NELL1: variants seen among roughly 807,000 people sequenced by gnomAD.
The protein encoded by NELL1 is protein kinase C-binding protein NELL1.
Under a neutral mutation model 107.4 loss-of-function variants are expected in NELL1, and 76 were observed. The observed-to-expected ratio is 0.71, with a 90% CI of 0.59 to 0.86. The LOEUF is 0.86. Among genes scored for constraint, NELL1 ranks in the 40% least tolerant of loss-of-function variants. The probability of loss-of-function intolerance (pLI) is 0.00; values close to 1 mark genes in which losing one functional copy is unlikely to be tolerated. For synonymous variants in NELL1, 353 were observed against 341.2 expected, an observed-to-expected ratio of 1.03 and a Z score of -0.38; for missense variants, 1,024 against 1,005.5, an observed-to-expected ratio of 1.02 and a Z score of -0.25.
At chr11:20,797,484 T>G (rs529097992) in intron 3 of NELL1, among the ~76,000 whole-genome samples, 24 of 138,032 alleles carry the variant, frequency 1.7e-4, no homozygotes, top group Admixed American at 3.3e-4. Flanking sequence ...GAGAATGGCG[T>G]GAACCTGGGA....
chr11:21,002,529 C>T (rs1852246094), intron 12 of NELL1, among the ~76,000 whole-genome samples: 1 of 152,102 alleles, frequency 6.6e-6, no homozygotes, highest in Admixed American at 6.6e-5. Context: ...TACTGCAGAG[C>T]AAGGGTTAGC....
chr11:21,434,297 T>C (rs540940751), intron 15 of NELL1, among the ~76,000 whole-genome samples: 1 of 152,300 alleles, frequency 6.6e-6, no homozygotes, highest in Admixed American at 6.5e-5. Flanking sequence ...TTCCTTATAA[T>C]TCTTCTAGTA....
At chr11:21,082,631 C>T (rs1213736441) in intron 12 of NELL1, among the ~76,000 whole-genome samples, 1 of 152,184 alleles carries the variant, frequency 6.6e-6, no homozygotes, top group Admixed American at 6.5e-5. Context: ...CTTGCTCTAG[C>T]ATTTGAAAGC....
At chr11:20,740,794 A>T (rs919344419) in intron 2 of NELL1, among the ~76,000 whole-genome samples, 1 of 151,618 alleles carries the variant, frequency 6.6e-6, no homozygotes, top group Admixed American at 6.6e-5. Context: ...ATTTTATCTT[A>T]ATTTTATTTT....
At chr11:21,055,771 C>A (rs1853600322) in intron 12 of NELL1, among the ~76,000 whole-genome samples, 1 of 152,112 alleles carries the variant, frequency 6.6e-6, no homozygotes. Context: ...ATGGACTGTT[C>A]CTTTCATTTT....
intron 15 of NELL1, among the ~76,000 whole-genome samples, chr11:21,377,389 T>C (rs764127948): frequency 5.3e-5 from 8 of 152,178 alleles, no homozygotes; most frequent in Non-Finnish European, 1.0e-4. Flanking sequence ...ATCCCAGGAA[T>C]GAAGCTTATC....
chr11:20,825,017 A>G (rs140888615), intron 3 of NELL1, among the ~76,000 whole-genome samples: 3 of 151,460 alleles, frequency 2.0e-5, no homozygotes, highest in African/African-American at 7.2e-5. Flanking sequence ...GGCCTAGGAA[A>G]GAAAAATGGT....
At chr11:21,498,135 C>T (rs908569597) in intron 15 of NELL1, among the ~76,000 whole-genome samples, 15 of 151,680 alleles carry the variant, frequency 9.9e-5, no homozygotes, top group Non-Finnish European at 4.4e-5. Context: ...TATTTCTCTA[C>T]ATTTGCACCA....
At chr11:20,909,260 A>G (rs1213128214) in intron 5 of NELL1, among the ~76,000 whole-genome samples, 1 of 152,214 alleles carries the variant, frequency 6.6e-6, no homozygotes, top group Non-Finnish European at 1.5e-5. Flanking sequence ...TGATGGTTGC[A>G]TAACACTGTG....
chr11:20,847,437 G>T, intron 3 of NELL1, 146 bp from the exon 4 acceptor site: 3 of 750,618 alleles, frequency 4.0e-6, no homozygotes, highest in South Asian at 4.0e-5. Flanking sequence ...GTGTCCTACA[G>T]TGAATTGACT....
At chr11:20,935,709 TGTG>T (rs1850709936) in intron 9 of NELL1, 1 of 152,206 alleles carries the variant, frequency 6.6e-6, no homozygotes, top group Non-Finnish European at 1.5e-5. Context: ...GCTAGGAAGT[TGTG>T]GTGGTACTGA....
chr11:20,671,516 G>T (rs943622563), intron 1 of NELL1, among the ~76,000 whole-genome samples: 1 of 152,174 alleles, frequency 6.6e-6, no homozygotes, highest in Non-Finnish European at 1.5e-5. Flanking sequence ...ACGTGTTTCA[G>T]GGTTCATTGC....
intron 16 of NELL1, among the ~76,000 whole-genome samples, chr11:21,539,823 T>C (rs940735229): frequency 2.4e-4 from 36 of 151,646 alleles, no homozygotes; most frequent in African/African-American, 8.7e-4. Flanking sequence ...AAAACAGGAA[T>C]GCCTGTTCCC....
intron 12 of NELL1, among the ~76,000 whole-genome samples, chr11:21,019,516 C>T (rs1054854697): frequency 1.3e-5 from 2 of 152,026 alleles, no homozygotes; most frequent in Non-Finnish European, 2.9e-5. Context: ...TATTGGTTCT[C>T]AACTGGGGGC....
chr11:21,144,481 A>C (rs1363728358), intron 13 of NELL1, among the ~76,000 whole-genome samples: 1 of 152,162 alleles, frequency 6.6e-6, no homozygotes, highest in Non-Finnish European at 1.5e-5. Context: ...TTAGGTTTTC[A>C]AATTTGTCCG....
chr11:20,850,068 C>T (rs768213755), intron 4 of NELL1, among the ~76,000 whole-genome samples: 9 of 152,176 alleles, frequency 5.9e-5, no homozygotes, highest in East Asian at 1.9e-4. Flanking sequence ...TAAATGAAGT[C>T]GTGGAAGACC....
At chr11:21,343,728 C>G (rs1418768812) in intron 14 of NELL1, among the ~76,000 whole-genome samples, 1 of 152,086 alleles carries the variant, frequency 6.6e-6, no homozygotes, top group Non-Finnish European at 1.5e-5. Flanking sequence ...CACTGTGGTT[C>G]CAATAGTTTA....
At chr11:21,387,838 A>G (rs1342839353) in intron 15 of NELL1, among the ~76,000 whole-genome samples, 1 of 151,848 alleles carries the variant, frequency 6.6e-6, no homozygotes, top group Non-Finnish European at 1.5e-5. Context: ...AGGGATTGCT[A>G]TAATAGTAAT....
intron 11 of NELL1, among the ~76,000 whole-genome samples, chr11:20,953,843 C>T (rs1851115116): frequency 6.6e-6 from 1 of 152,196 alleles, no homozygotes; most frequent in African/African-American, 2.4e-5. Flanking sequence ...TGCCCCTCTC[C>T]ATCATGATAT....
Sources: gnomAD v4.1 joint callset for allele counts (sites outside exome capture counted in the v4.1 genomes callset) on GRCh38, gnomAD v4.1.1 for gene constraint, MANE v1.5 for transcripts, NCBI Gene and HGNC (gene_info 2026-07-23, HGNC 2026-07-21) for gene names.